TEX11: variants seen among roughly 807,000 people sequenced by gnomAD.
The protein encoded by TEX11 is testis-expressed protein 11.
In TEX11, 7 loss-of-function variants were observed where a neutral mutation model predicts 84.4. That is an observed-to-expected ratio of 0.08 (90% CI 0.05 to 0.16). The LOEUF (loss-of-function observed/expected upper bound fraction) is 0.16. Among genes scored for constraint, TEX11 ranks in the 10% least tolerant of loss-of-function variants. The pLI is 1.00. For synonymous variants in TEX11, 264 were observed against 222.8 expected, an observed-to-expected ratio of 1.18 and a Z score of -1.64; for missense variants, 551 against 660.5, an observed-to-expected ratio of 0.83 and a Z score of 1.82.
At chrX:70,815,726 T>C (rs1163783227) in intron 8 of TEX11, among the ~76,000 whole-genome samples, 3 of 111,336 alleles carry the variant, frequency 2.7e-5, no homozygotes, top group Non-Finnish European at 5.6e-5. Flanking sequence ...GGGGGACTAC[T>C]GCATTGCTAT....
intron 9 of TEX11, 39 bp from the exon 10 acceptor site, chrX:70,744,258 AAACAT>A: frequency 1.8e-6 from 1 of 567,199 alleles, no homozygotes; most frequent in Non-Finnish European, 2.4e-6. Flanking sequence ...ATATATATAT[AAACAT>A]ATATCCATTT....
intron 3 of TEX11, among the ~76,000 whole-genome samples, chrX:70,877,226 A>C (rs2091660036): frequency 9.1e-6 from 1 of 110,371 alleles, no homozygotes; most frequent in African/African-American, 3.3e-5. Flanking sequence ...ACCAGGAGGC[A>C]GAGGTTGCAG....
At chrX:70,906,291 A>G (rs1022088183) in intron 2 of TEX11, among the ~76,000 whole-genome samples, 5 of 105,676 alleles carry the variant, frequency 4.7e-5, no homozygotes, top group African/African-American at 1.4e-4. Flanking sequence ...GATTTGACAA[A>G]ACTCAGTGGT....
intron 3 of TEX11, among the ~76,000 whole-genome samples, chrX:70,874,069 A>G (rs768850266): frequency 1.3e-4 from 14 of 110,721 alleles, no homozygotes; most frequent in Non-Finnish European, 2.1e-4. Flanking sequence ...TTCTTAAAAA[A>G]GAGCCTGGTA....
At chrX:70,840,414 C>T (rs1190748346) in intron 7 of TEX11, among the ~76,000 whole-genome samples, 1 of 111,412 alleles carries the variant, frequency 9.0e-6, no homozygotes, top group Non-Finnish European at 1.9e-5. Flanking sequence ...AAATACTTTA[C>T]AGACAAGCAA....
chrX:70,746,883 C>T (rs2090771345), intron 9 of TEX11, among the ~76,000 whole-genome samples: 1 of 111,946 alleles, frequency 8.9e-6, no homozygotes, highest in South Asian at 3.7e-4. Context: ...TCTGCACCCA[C>T]TCACGCACAA....
At chrX:70,610,591 AT>A (rs2089249765) in intron 20 of TEX11, 48 bp from the exon 21 acceptor site, 1 of 1,121,000 alleles carries the variant, frequency 8.9e-7, no homozygotes, top group South Asian at 2.0e-5. Context: ...AATCTTTACT[AT>A]AAAACATAAC....
chrX:70,840,810 C>A (rs762955923), intron 7 of TEX11, among the ~76,000 whole-genome samples: 2 of 111,078 alleles, frequency 1.8e-5, no homozygotes, highest in East Asian at 2.8e-4. Context: ...GGAAAACAAA[C>A]AAAGGCAGGG....
chrX:70,701,175 T>C (rs1208857016), intron 13 of TEX11, among the ~76,000 whole-genome samples: 3 of 112,365 alleles, frequency 2.7e-5, no homozygotes, highest in Admixed American at 1.9e-4. Flanking sequence ...TCAACATAGA[T>C]GAAACATTCT....
chrX:70,561,943 C>T, intron 25 of TEX11, among the ~76,000 whole-genome samples: 1 of 112,118 alleles, frequency 8.9e-6, no homozygotes, highest in Non-Finnish European at 1.9e-5. Flanking sequence ...ATGCAGAAAG[C>T]AGCATCTGGC....
At chrX:70,892,472 C>T (rs1019919838) in intron 2 of TEX11, among the ~76,000 whole-genome samples, 5 of 112,084 alleles carry the variant, frequency 4.5e-5, no homozygotes, top group Admixed American at 3.8e-4. Context: ...CAGTGGCTCA[C>T]GCCTGTAATC....
chrX:70,802,147 AGGGG>A (rs1162054943), intron 9 of TEX11, among the ~76,000 whole-genome samples: 17 of 111,710 alleles, frequency 1.5e-4, no homozygotes, highest in Non-Finnish European at 2.4e-4. Flanking sequence ...GTTAAGGAAC[AGGGG>A]CACAAACAGC....
intron 17 of TEX11, among the ~76,000 whole-genome samples, chrX:70,643,599 C>T (rs1247698843): frequency 9.2e-6 from 1 of 108,547 alleles, no homozygotes; most frequent in Non-Finnish European, 1.9e-5. Flanking sequence ...CAGAACAGAG[C>T]CCTCAGAAAT....
chrX:70,759,309 C>G (rs749657291), intron 9 of TEX11, among the ~76,000 whole-genome samples: 1 of 111,352 alleles, frequency 9.0e-6, no homozygotes, highest in South Asian at 3.8e-4. Context: ...GGCAGGGACA[C>G]AACAAAAAAA....
intron 11 of TEX11, among the ~76,000 whole-genome samples, chrX:70,730,396 T>C (rs1056796804): frequency 1.8e-5 from 2 of 111,597 alleles, no homozygotes; most frequent in Non-Finnish European, 3.8e-5. Context: ...GTGTGCTGTA[T>C]TCAGGAAACC....
intron 13 of TEX11, among the ~76,000 whole-genome samples, chrX:70,697,760 A>T (rs1482951708): frequency 1.8e-5 from 2 of 111,812 alleles, no homozygotes; most frequent in Admixed American, 1.9e-4. Context: ...TATGCCAGGA[A>T]TTTTACATTC....
At chrX:70,518,886 T>C in the TEX11 span, among the ~76,000 whole-genome samples, 1 of 112,144 alleles carries the variant, frequency 8.9e-6, no homozygotes, top group East Asian at 2.8e-4. Flanking sequence ...TTGTCTATTT[T>C]GATCTTTGTT....
At chrX:70,792,359 C>T (rs6525421) in intron 9 of TEX11, among the ~76,000 whole-genome samples, 1,394 of 5,322 alleles carry the variant, frequency 0.26, 52 homozygotes, top group South Asian at 0.4. Flanking sequence ...TATATATATA[C>T]ACACACAAAT....
At chrX:70,612,561 T>C (rs1425187329) in intron 20 of TEX11, among the ~76,000 whole-genome samples, 10 of 35,858 alleles carry the variant, frequency 2.8e-4, no homozygotes, top group Non-Finnish European at 9.7e-5. Flanking sequence ...ATTAGTAGAT[T>C]GAACAAAGCT....
Sources: allele counts gnomAD v4.1 joint callset (sites outside exome capture counted in the v4.1 genomes callset), GRCh38; gene constraint gnomAD v4.1.1; transcripts MANE v1.5; gene names NCBI Gene and HGNC (gene_info 2026-07-23, HGNC 2026-07-21).